ERC2: variants seen among roughly 807,000 people sequenced by gnomAD.
ERC2 encodes ELKS/RAB6-interacting/CAST family member 2, also known as ERC protein 2.
Under a neutral mutation model 114.8 loss-of-function variants are expected in ERC2, and 42 were observed. The observed-to-expected ratio is 0.37, with a 90% CI of 0.29 to 0.47. The LOEUF (loss-of-function observed/expected upper bound fraction) is 0.47, where lower values mean the gene tolerates loss of function less well. Among genes scored for constraint, ERC2 ranks in the 20% least tolerant of loss-of-function variants. The probability of loss-of-function intolerance (pLI) is 0.99; values close to 1 mark genes in which losing one functional copy is unlikely to be tolerated. For synonymous variants in ERC2, 454 were observed against 425.5 expected (o/e 1.07, Z -0.82); for missense variants, 939 against 1,150.7 (o/e 0.82, Z 2.66).
At chr3:55,990,812 G>T (rs1328976999) in intron 11 of ERC2, among the ~76,000 whole-genome samples, 1 of 152,186 alleles carries the variant, frequency 6.6e-6, no homozygotes, top group Admixed American at 6.5e-5. Context: ...TGAATAGGTT[G>T]TTAGAGATTC....
chr3:55,661,767 C>T (rs2061146874), intron 17 of ERC2, among the ~76,000 whole-genome samples: 2 of 151,782 alleles, frequency 1.3e-5, no homozygotes, highest in Non-Finnish European at 2.9e-5. Flanking sequence ...ACAGTCATTA[C>T]GTGTTTAGTT....
At chr3:55,740,113 T>C (rs1014654667) in intron 14 of ERC2, among the ~76,000 whole-genome samples, 4 of 152,192 alleles carry the variant, frequency 2.6e-5, no homozygotes, top group African/African-American at 9.6e-5. Flanking sequence ...AAAATCCCAA[T>C]GAATTAATTT....
rs138385006 is a variant in ERC2 at position 56,408,735 on chromosome 3, G to A, written c.657+25616C>T. 6.0e-4 allele frequency among the ~76,000 whole-genome samples: 92 copies of A among 152,332 alleles called. No homozygotes were observed. The East Asian group carries it at 6.7e-3, about 11-fold the overall frequency. On this transcript the variant is annotated intron_variant, in intron 2 of 17. Coordinates refer to ENST00000288221, the MANE Select transcript of ERC2 (RefSeq NM_015576.3). ...GAACTAAACGAGGTGGTAAGGTAAG[G>A]GCTGGCAGGCTCCTTCAGACAGCGT...
chr3:56,220,920 A>G (rs1371740935), intron 3 of ERC2, among the ~76,000 whole-genome samples: 17 of 152,212 alleles, frequency 1.1e-4, no homozygotes, highest in Admixed American at 1.1e-3. Context: ...AAGAAAAAAA[A>G]GATGAATGTG....
intron 9 of ERC2, among the ~76,000 whole-genome samples, chr3:56,008,973 G>A (rs1476562940): frequency 2.0e-5 from 3 of 152,094 alleles, no homozygotes; most frequent in Non-Finnish European, 4.4e-5. Flanking sequence ...AATGTTTAAC[G>A]TGGTTCTGTT....
At chr3:56,016,842 T>TA (rs2073344960) in intron 8 of ERC2, among the ~76,000 whole-genome samples, 1 of 152,102 alleles carries the variant, frequency 6.6e-6, no homozygotes, top group African/African-American at 2.4e-5. Flanking sequence ...GACTGGCCCC[T>TA]AGGTCTCCTT....
intron 17 of ERC2, among the ~76,000 whole-genome samples, chr3:55,671,143 A>C (rs1308629789): frequency 6.6e-6 from 1 of 152,244 alleles, no homozygotes; most frequent in Admixed American, 6.5e-5. Flanking sequence ...TACATAAAAT[A>C]CCATTACAGA....
At chr3:56,186,706 T>A (rs2083642802) in intron 3 of ERC2, among the ~76,000 whole-genome samples, 1 of 151,962 alleles carries the variant, frequency 6.6e-6, no homozygotes, top group South Asian at 2.1e-4. Context: ...GCCTGGCTAA[T>A]TTTTGTATTT....
At chr3:56,463,738 C>G (rs1464447693) in intron 1 of ERC2, among the ~76,000 whole-genome samples, 1 of 152,138 alleles carries the variant, frequency 6.6e-6, no homozygotes, top group Non-Finnish European at 1.5e-5. Flanking sequence ...TCCATGTGTG[C>G]CCCTACATTT....
At chr3:55,686,286 G>C (rs1413752291) in intron 16 of ERC2, among the ~76,000 whole-genome samples, 1 of 152,104 alleles carries the variant, frequency 6.6e-6, no homozygotes, top group African/African-American at 2.4e-5. Context: ...GCAGAAATGT[G>C]GATAAATTCC....
intron 14 of ERC2, among the ~76,000 whole-genome samples, chr3:55,778,289 G>A (rs1255194549): frequency 6.6e-5 from 10 of 152,274 alleles, no homozygotes; most frequent in East Asian, 5.8e-4. Context: ...GGGTAAGTCC[G>A]GCTGTTTCTA....
At chr3:56,068,954 C>A (rs1221078148) in intron 7 of ERC2, among the ~76,000 whole-genome samples, 1 of 152,160 alleles carries the variant, frequency 6.6e-6, no homozygotes, top group Non-Finnish European at 1.5e-5. Flanking sequence ...TGTTTTACTT[C>A]CAATTTTGTG....
intron 3 of ERC2, among the ~76,000 whole-genome samples, chr3:56,191,793 G>A (rs1290269249): frequency 6.6e-6 from 1 of 151,964 alleles, no homozygotes; most frequent in African/African-American, 2.4e-5. Context: ...TTACCCAGGA[G>A]GTCCCTTCTA....
intron 13 of ERC2, among the ~76,000 whole-genome samples, chr3:55,924,897 C>T (rs560143076): frequency 1.3e-5 from 2 of 152,274 alleles, no homozygotes; most frequent in South Asian, 4.2e-4. Flanking sequence ...TGAGCTTGAT[C>T]TGACTAGGGG....
intron 17 of ERC2, among the ~76,000 whole-genome samples, chr3:55,515,401 TC>T (rs2052420680): frequency 6.6e-6 from 1 of 152,102 alleles, no homozygotes; most frequent in Non-Finnish European, 1.5e-5. Flanking sequence ...GGAGTCTCTC[TC>T]TGTTGTCCAG....
chr3:55,746,693 G>A (rs1478576246), intron 14 of ERC2, among the ~76,000 whole-genome samples: 1 of 152,260 alleles, frequency 6.6e-6, no homozygotes, highest in Admixed American at 6.5e-5. Context: ...TGTGCTGCAG[G>A]TGATGGTGGT....
chr3:56,234,176 A>G (rs2050797552), intron 3 of ERC2, among the ~76,000 whole-genome samples: 1 of 152,230 alleles, frequency 6.6e-6, no homozygotes, highest in South Asian at 2.1e-4. Context: ...GAATCACTAT[A>G]AAAACTCAAG....
chr3:56,228,444 T>C (rs746687205), intron 3 of ERC2, among the ~76,000 whole-genome samples: 2 of 152,246 alleles, frequency 1.3e-5, no homozygotes, highest in African/African-American at 4.8e-5. Flanking sequence ...GTACTTCATA[T>C]AAGCAGAATC....
rs66602607 is a variant in ERC2, at chr3:55,553,011, A to ATTTTTTTTTTTTT, written c.*40-41748_*40-41736dup. Reference sequence around the variant, plus strand: ...GTCGTTATTATTGTGGGGCTTCCAGATTTTTTTTTTTTTTTTTTTTTTTTT... The same window carrying ATTTTTTTTTTTTT: ...GTCGTTATTATTGTGGGGCTTCCAGATTTTTTTTTTTTTTTTTTTTTTTTTTTTTTTTTTTTTT... On this transcript the variant is annotated intron_variant, in intron 17 of 17. Coordinates refer to ENST00000288221, the MANE Select transcript of ERC2 (RefSeq NM_015576.3). Among the ~76,000 whole-genome samples, 268 of 55,202 alleles carry ATTTTTTTTTTTTT rather than the reference A, an allele frequency of 4.9e-3. 49 individuals are homozygous for ATTTTTTTTTTTTT. Among genetic ancestry groups the ATTTTTTTTTTTTT allele is most frequent in the Middle Eastern group, 0.016 (1 of 64 alleles). 36.2% of individuals were successfully genotyped at this position (55,202 alleles called of 152,430 possible). A position where few individuals can be genotyped will look rare whatever the true frequency, so the allele number is the denominator to read the frequency against.
Sources: allele counts gnomAD v4.1 joint callset (sites outside exome capture counted in the v4.1 genomes callset), GRCh38; gene constraint gnomAD v4.1.1; transcripts MANE v1.5; gene names NCBI Gene and HGNC (gene_info 2026-07-23, HGNC 2026-07-21).